HPSE2: variants seen among roughly 807,000 people sequenced by gnomAD.
The protein encoded by HPSE2 is heparanase 2 (inactive), also known as inactive heparanase-2.
HPSE2 carries 38 observed loss-of-function variants against 60.5 expected under a neutral mutation model. The observed-to-expected ratio is 0.63, with a 90% CI of 0.48 to 0.82. The LOEUF (loss-of-function observed/expected upper bound fraction) is 0.82, where lower values mean the gene tolerates loss of function less well. HPSE2 is among the 40% of genes least tolerant of loss of function. The pLI, the probability that HPSE2 is intolerant of heterozygous loss-of-function variation, is 0.00. For missense variants in HPSE2, 713 were observed against 740.4 expected (o/e 0.96, Z 0.43); for synonymous variants, 295 against 293.2 (o/e 1.01, Z -0.06).
intron 3 of HPSE2, among the ~76,000 whole-genome samples, chr10:98,793,223 A>G (rs980691233): frequency 6.6e-6 from 1 of 152,228 alleles, no homozygotes; most frequent in Non-Finnish European, 1.5e-5. Flanking sequence ...TGCATGTCCT[A>G]TCCCTTCAGG....
Position 98,459,584 on chromosome 10 carries a change from C to T in HPSE2, c.1769G>A (p.Arg590His), listed in dbSNP as rs138098027. 8.4e-5 allele frequency: 135 copies of T among 1,614,074 alleles called. No individual in the cohort carries two copies. Among genetic ancestry groups the T allele is most frequent in the East Asian group, 5.8e-4 (26 of 44,862 alleles). The change falls in exon 12 of 12, where the codon CGC becomes CAC. Residue 590 changes from arginine (R) to histidine (H), a missense_variant. Coordinates refer to ENST00000370552, the MANE Select transcript of HPSE2 (RefSeq NM_021828.5). ...GAGTGTGAGGATAGCTTATCGGTAG[C>T]GGCAGGCCAAAGCATTGACATTCTT... Reference protein sequence around the residue: ...VVKNVNALACRYR With the variant: ...VVKNVNALACHYR
At chr10:99,110,384 T>G (rs528488984) in intron 3 of HPSE2, among the ~76,000 whole-genome samples, 3 of 152,298 alleles carry the variant, frequency 2.0e-5, no homozygotes, top group Admixed American at 1.3e-4. Flanking sequence ...AAAGGCATAC[T>G]ATGTCCTACT....
chr10:99,306,239 T>C, the HPSE2 span, among the ~76,000 whole-genome samples: 1 of 152,174 alleles, frequency 6.6e-6, no homozygotes, highest in African/African-American at 2.4e-5. Flanking sequence ...TCCACTGTAA[T>C]TGTTTGATTC....
chr10:99,092,300 G>T (rs528652303), intron 3 of HPSE2, among the ~76,000 whole-genome samples: 1 of 151,908 alleles, frequency 6.6e-6, no homozygotes, highest in Non-Finnish European at 1.5e-5. Flanking sequence ...AACATAATGC[G>T]TACTAAATAA....
intron 9 of HPSE2, among the ~76,000 whole-genome samples, chr10:98,575,131 T>A (rs531439666): frequency 4.6e-5 from 7 of 152,190 alleles, no homozygotes; most frequent in Non-Finnish European, 1.0e-4. Flanking sequence ...AGGCGTCATA[T>A]AGGCTCCTCA....
intron 3 of HPSE2, among the ~76,000 whole-genome samples, chr10:99,130,656 CAAT>C (rs933980780): frequency 2.6e-5 from 4 of 152,120 alleles, no homozygotes. Context: ...CTAGTTAAAA[CAAT>C]TTTACAGAAG....
rs547799162 is a variant in HPSE2 at position 98,705,057 on chromosome 10, T to C, written c.957-11110A>G. On this transcript the variant is annotated intron_variant, in intron 5 of 11. Coordinates refer to ENST00000370552, the MANE Select transcript of HPSE2 (RefSeq NM_021828.5). ...GAATCTACAAGGAACTTAAACAAATTTACAAGAAAAAAACAACCCCATAAA... is the reference window on the plus strand; with the variant it reads ...GAATCTACAAGGAACTTAAACAAATCTACAAGAAAAAAACAACCCCATAAA... Among the ~76,000 whole-genome samples the C allele has an allele frequency of 1.3e-3, 204 of 151,720 alleles. 6 individuals are homozygous for C. Among genetic ancestry groups the C allele is most frequent in the Non-Finnish European group, 4.6e-4 (31 of 67,926 alleles).
the HPSE2 span, among the ~76,000 whole-genome samples, chr10:99,271,911 T>C: frequency 6.6e-6 from 1 of 152,156 alleles, no homozygotes; most frequent in African/African-American, 2.4e-5. Context: ...ATTCAACAAA[T>C]GGTGCTGGGA....
At chr10:98,699,150 C>T (rs1198147029) in intron 5 of HPSE2, among the ~76,000 whole-genome samples, 10 of 152,074 alleles carry the variant, frequency 6.6e-5, no homozygotes, top group Admixed American at 2.0e-4. Context: ...ATGAGGCCAG[C>T]ATCATCCTGA....
chr10:98,776,743 G>A (rs1438733886), intron 3 of HPSE2, among the ~76,000 whole-genome samples: 1 of 151,268 alleles, frequency 6.6e-6, no homozygotes. Flanking sequence ...TAGTGGGTGG[G>A]AATAGCCAGC....
At chr10:99,165,163 C>T (rs1847026980) in intron 2 of HPSE2, among the ~76,000 whole-genome samples, 1 of 151,498 alleles carries the variant, frequency 6.6e-6, no homozygotes, top group Admixed American at 6.6e-5. Context: ...AGTAAGAAGC[C>T]TGGTTTTCAT....
chr10:98,763,281 G>A (rs1045884102), intron 3 of HPSE2, among the ~76,000 whole-genome samples: 16 of 151,450 alleles, frequency 1.1e-4, no homozygotes, highest in Non-Finnish European at 2.4e-4. Flanking sequence ...AACATTTAAA[G>A]AAACAGTAGT....
chr10:98,968,156 T>C (rs1955860981), intron 3 of HPSE2, among the ~76,000 whole-genome samples: 1 of 152,220 alleles, frequency 6.6e-6, no homozygotes, highest in Non-Finnish European at 1.5e-5. Context: ...GCCACTCTTA[T>C]GCCTTTAAAA....
chr10:99,123,342 G>C (rs938692005), intron 3 of HPSE2, among the ~76,000 whole-genome samples: 1 of 152,026 alleles, frequency 6.6e-6, no homozygotes, highest in Non-Finnish European at 1.5e-5. Flanking sequence ...CCAATAAACA[G>C]GTTAAAATAT....
At chr10:99,232,928 C>T (rs1054830016) in intron 1 of HPSE2, among the ~76,000 whole-genome samples, 1 of 152,272 alleles carries the variant, frequency 6.6e-6, no homozygotes, top group Non-Finnish European at 1.5e-5. Flanking sequence ...TGGCTTCCGA[C>T]CGTTGCCAAA....
At chr10:98,622,528 C>T (rs1946101006) in intron 7 of HPSE2, among the ~76,000 whole-genome samples, 1 of 152,146 alleles carries the variant, frequency 6.6e-6, no homozygotes, top group Admixed American at 6.6e-5. Flanking sequence ...AATCATATTC[C>T]TCTTTTCATT....
intron 3 of HPSE2, among the ~76,000 whole-genome samples, chr10:98,935,230 T>C (rs1310434404): frequency 7.0e-6 from 1 of 142,980 alleles, no homozygotes; most frequent in Non-Finnish European, 1.5e-5. Context: ...GGTTAGAATA[T>C]AATCCTTTAG....
At chr10:98,696,715 A>G (rs1216272635) in intron 5 of HPSE2, among the ~76,000 whole-genome samples, 1 of 152,156 alleles carries the variant, frequency 6.6e-6, no homozygotes, top group Non-Finnish European at 1.5e-5. Context: ...CTGCTGTCTA[A>G]GCCTTTGAGC....
chr10:99,002,013 T>C (rs1316929246), intron 3 of HPSE2, among the ~76,000 whole-genome samples: 1 of 152,022 alleles, frequency 6.6e-6, no homozygotes, highest in Non-Finnish European at 1.5e-5. Flanking sequence ...GTGGCTGTGT[T>C]CCAATAAAAC....
Sources: gnomAD v4.1 joint callset for allele counts (sites outside exome capture counted in the v4.1 genomes callset) on GRCh38, gnomAD v4.1.1 for gene constraint, MANE v1.5 for transcripts, NCBI Gene and HGNC (gene_info 2026-07-23, HGNC 2026-07-21) for gene names.